Variants in ST6GALNAC3 observed in about 807,000 individuals in gnomAD.
ST6GALNAC3 encodes the protein ST6 N-acetylgalactosaminide alpha-2,6-sialyltransferase 3.
ST6GALNAC3 carries 25 observed loss-of-function variants against 32.7 expected under a neutral mutation model. The observed-to-expected ratio is 0.76, with a 90% CI of 0.56 to 1.07. ST6GALNAC3 has a LOEUF of 1.07. Among genes scored for constraint, ST6GALNAC3 ranks in the 50% least tolerant of loss-of-function variants. The pLI, the probability that ST6GALNAC3 is intolerant of heterozygous loss-of-function variation, is 0.00. For synonymous variants in ST6GALNAC3, 129 were observed against 133.1 expected (o/e 0.97, Z 0.21); for missense variants, 355 against 382.4 (o/e 0.93, Z 0.60).
At chr1:76,405,667 T>A (rs769811640) in intron 2 of ST6GALNAC3, among the ~76,000 whole-genome samples, 1 of 151,790 alleles carries the variant, frequency 6.6e-6, no homozygotes, top group Non-Finnish European at 1.5e-5. Context: ...GTTCTTTTAC[T>A]GTATGTGTAC....
At chr1:76,339,709 G>A (rs1647799145) in intron 2 of ST6GALNAC3, among the ~76,000 whole-genome samples, 1 of 151,856 alleles carries the variant, frequency 6.6e-6, no homozygotes, top group East Asian at 1.9e-4. Flanking sequence ...ACCATTCTAG[G>A]CACTTGGGAG....
chr1:76,236,105 T>C (rs1394189172), intron 1 of ST6GALNAC3, among the ~76,000 whole-genome samples: 1 of 151,924 alleles, frequency 6.6e-6, no homozygotes, highest in Non-Finnish European at 1.5e-5. Flanking sequence ...CCACCATGCC[T>C]GGCTAATTTT....
intron 3 of ST6GALNAC3, among the ~76,000 whole-genome samples, chr1:76,589,523 G>T (rs760191475): frequency 2.0e-5 from 3 of 151,796 alleles, no homozygotes; most frequent in Non-Finnish European, 4.4e-5. Context: ...AATAAAACTT[G>T]GTAATTCTTA....
intron 1 of ST6GALNAC3, among the ~76,000 whole-genome samples, chr1:76,191,814 C>A (rs1311949837): frequency 2.6e-5 from 4 of 151,866 alleles, no homozygotes; most frequent in Non-Finnish European, 5.9e-5. Context: ...GAAGGAAGAG[C>A]GGGTAGGCTG....
chr1:76,118,627 A>G (rs6661915), intron 1 of ST6GALNAC3, among the ~76,000 whole-genome samples: 4 of 152,188 alleles, frequency 2.6e-5, no homozygotes, highest in South Asian at 4.2e-4. Flanking sequence ...GGCTGCATCA[A>G]TATGTATAAA....
At chr1:76,426,542 CAG>C (rs1338407974) in intron 3 of ST6GALNAC3, among the ~76,000 whole-genome samples, 1 of 147,676 alleles carries the variant, frequency 6.8e-6, no homozygotes, top group African/African-American at 2.6e-5. Flanking sequence ...AGCTGTTTTA[CAG>C]ATATATATAT....
chr1:76,491,089 C>G (rs1218253313), intron 3 of ST6GALNAC3, among the ~76,000 whole-genome samples: 1 of 152,104 alleles, frequency 6.6e-6, no homozygotes, highest in Non-Finnish European at 1.5e-5. Flanking sequence ...AACTCCCAAC[C>G]TCAGGTGATC....
intron 1 of ST6GALNAC3, among the ~76,000 whole-genome samples, chr1:76,234,282 C>G (rs1656528343): frequency 6.6e-6 from 1 of 152,276 alleles, no homozygotes; most frequent in Non-Finnish European, 1.5e-5. Context: ...TGCTCTGTCC[C>G]CCTTCTAGGA....
intron 4 of ST6GALNAC3, among the ~76,000 whole-genome samples, chr1:76,627,784 A>G (rs1296820873): frequency 2.0e-5 from 3 of 151,986 alleles, no homozygotes; most frequent in Non-Finnish European, 4.4e-5. Context: ...CAGGAGGAAC[A>G]CTTTTCCCTT....
chr1:76,629,303 A>G lies in ST6GALNAC3; in HGVS notation c.*497A>G. ...TCAGGGTGCAAGTATCTTACTACTT[A>G]GCCTAAGGATGGGAAAATATCTCTT... is the stretch of plus-strand genomic sequence containing the variant. On this transcript the variant is annotated 3_prime_UTR_variant, in exon 5 of 5. Coordinates refer to ENST00000328299, the MANE Select transcript of ST6GALNAC3 (RefSeq NM_152996.4). 1 of 986,478 alleles carries G rather than the reference A, an allele frequency of 1.0e-6. No individual in the cohort carries two copies. The highest frequency in any genetic ancestry group is 1.2e-6 in the Non-Finnish European group (1 of 830,796). The allele number at this position is 986,478 out of a possible 1,614,324, so 61.1% of individuals were successfully genotyped here.
At chr1:76,612,874 G>A (rs887795802) in intron 3 of ST6GALNAC3, among the ~76,000 whole-genome samples, 4 of 152,142 alleles carry the variant, frequency 2.6e-5, no homozygotes, top group African/African-American at 4.8e-5. Context: ...TAAATAAAAC[G>A]ACACTTCTGA....
intron 1 of ST6GALNAC3, among the ~76,000 whole-genome samples, chr1:76,195,046 C>G (rs1328354781): frequency 3.9e-5 from 6 of 152,162 alleles, no homozygotes; most frequent in Non-Finnish European, 8.8e-5. Flanking sequence ...AATATTACCA[C>G]TCAAATATCT....
At chr1:76,188,177 C>T (rs1653682484) in intron 1 of ST6GALNAC3, among the ~76,000 whole-genome samples, 1 of 152,116 alleles carries the variant, frequency 6.6e-6, no homozygotes, top group Admixed American at 6.5e-5. Context: ...GCCTGGCTAA[C>T]ATGGTGAAAC....
intron 1 of ST6GALNAC3, among the ~76,000 whole-genome samples, chr1:76,112,419 G>C (rs1210873034): frequency 6.8e-6 from 1 of 146,210 alleles, no homozygotes; most frequent in South Asian, 2.1e-4. Context: ...CGGGCGGGGG[G>C]CTAACCCCCC....
intron 3 of ST6GALNAC3, among the ~76,000 whole-genome samples, chr1:76,594,894 T>C (rs6593549): frequency 0.17 from 26,004 of 152,122 alleles, 3,110 homozygotes; most frequent in African/African-American, 0.34. Flanking sequence ...ATAGATAGTG[T>C]TGCACTGTAT....
In ST6GALNAC3 at chr1:76,313,920, C is replaced by T. The variant is rs140612702; in HGVS notation, c.134C>T (p.Thr45Ile). Residue 45 changes from threonine (T) to isoleucine (I), a missense_variant, in exon 2 of 5, where the codon ACA becomes ATA. By Grantham distance (89) the Thr-to-Ile change is moderately conservative. Transcript: ENST00000328299. ...LLLNCFGQPG[T>I]KWIPFSYTYR... ...CTAAACTGCTTTGGACAACCTGGTA[C>T]AAAGTGGATACCATTCTCCTACACA... The T allele has an allele frequency of 3.1e-6, 5 of 1,613,456 alleles. No individual in the cohort carries two copies. The highest frequency in any genetic ancestry group is 1.3e-5 in the African/African-American group (1 of 74,862).
At chr1:76,507,450 C>T (rs1426856512) in intron 3 of ST6GALNAC3, among the ~76,000 whole-genome samples, 1 of 152,182 alleles carries the variant, frequency 6.6e-6, no homozygotes, top group African/African-American at 2.4e-5. Flanking sequence ...GGCCCCCCAA[C>T]ACTTGCTGGG....
At chr1:76,538,325 C>A (rs1219066139) in intron 3 of ST6GALNAC3, among the ~76,000 whole-genome samples, 1 of 152,154 alleles carries the variant, frequency 6.6e-6, no homozygotes, top group Non-Finnish European at 1.5e-5. Context: ...AACATGACTT[C>A]ATGTTAAAAA....
intron 3 of ST6GALNAC3, among the ~76,000 whole-genome samples, chr1:76,453,176 C>G (rs1181232506): frequency 6.6e-6 from 1 of 152,026 alleles, no homozygotes; most frequent in Non-Finnish European, 1.5e-5. Context: ...GTCTTCTTTT[C>G]TTGGTTAATC....
Sources: gnomAD v4.1 joint callset for allele counts (sites outside exome capture counted in the v4.1 genomes callset) on GRCh38, gnomAD v4.1.1 for gene constraint, MANE v1.5 for transcripts, NCBI Gene and HGNC (gene_info 2026-07-23, HGNC 2026-07-21) for gene names.